Variants in EXOC6B observed in about 807,000 individuals in gnomAD.
The protein encoded by EXOC6B is SEC15 homolog B.
EXOC6B carries 54 observed loss-of-function variants against 113.5 expected under a neutral mutation model. That is an observed-to-expected ratio of 0.48 (90% CI 0.38 to 0.60). The LOEUF (loss-of-function observed/expected upper bound fraction) is 0.60, where lower values mean the gene tolerates loss of function less well. Ranked by LOEUF, EXOC6B falls within the 20% of genes least tolerant of loss-of-function variation. The probability of loss-of-function intolerance (pLI) is 0.00; values close to 1 mark genes in which losing one functional copy is unlikely to be tolerated. For missense variants in EXOC6B, 797 were observed against 977.5 expected, an observed-to-expected ratio of 0.82 and a Z score of 2.46; for synonymous variants, 357 against 339.0, an observed-to-expected ratio of 1.05 and a Z score of -0.58.
At chr2:72,602,558 T>C (rs1670496828) in intron 6 of EXOC6B, among the ~76,000 whole-genome samples, 1 of 152,236 alleles carries the variant, frequency 6.6e-6, no homozygotes, top group Non-Finnish European at 1.5e-5. Context: ...AGAATCCATC[T>C]GCTATAATAG....
intron 18 of EXOC6B, among the ~76,000 whole-genome samples, chr2:72,394,001 C>T (rs1692559822): frequency 6.6e-6 from 1 of 152,160 alleles, no homozygotes; most frequent in Non-Finnish European, 1.5e-5. Context: ...CTCTAGAACA[C>T]TGACTTTAAC....
chr2:72,368,813 A>G (rs1475440587), intron 19 of EXOC6B, among the ~76,000 whole-genome samples: 5 of 152,226 alleles, frequency 3.3e-5, no homozygotes, highest in Non-Finnish European at 7.3e-5. Context: ...AAAATTCAAC[A>G]GCCCTTCATG....
intron 5 of EXOC6B, among the ~76,000 whole-genome samples, chr2:72,724,341 T>G (rs1328356124): frequency 6.6e-6 from 1 of 152,108 alleles, no homozygotes; most frequent in Admixed American, 6.5e-5. Flanking sequence ...CAGAGTAGAT[T>G]ATAGACGGAT....
chr2:72,500,567 C>A (rs1302456026), intron 11 of EXOC6B, among the ~76,000 whole-genome samples: 3 of 150,440 alleles, frequency 2.0e-5, no homozygotes, highest in Non-Finnish European at 4.4e-5. Flanking sequence ...AAATCTTAGA[C>A]AAAATTGATT....
At chr2:72,656,520 G>A (rs1367128023) in intron 6 of EXOC6B, among the ~76,000 whole-genome samples, 1 of 152,018 alleles carries the variant, frequency 6.6e-6, no homozygotes, top group Admixed American at 6.6e-5. Context: ...AAATAAAACA[G>A]TCAAAAAATT....
intron 18 of EXOC6B, among the ~76,000 whole-genome samples, chr2:72,432,814 T>A (rs1695619205): frequency 6.6e-6 from 1 of 152,204 alleles, no homozygotes; most frequent in Admixed American, 6.5e-5. Flanking sequence ...TATTAGCCCT[T>A]TGTCAGACGG....
chr2:72,532,634 C>T (rs1026434876), intron 8 of EXOC6B, among the ~76,000 whole-genome samples: 4 of 151,966 alleles, frequency 2.6e-5, no homozygotes, highest in Admixed American at 2.6e-4. Context: ...ATGGGGAAAC[C>T]CCGTCTCTAC....
In EXOC6B at chr2:72,220,195, G is replaced by A. The variant is rs550680077; in HGVS notation, c.2197-36008C>T. ...CAGGTGAATTTATCTGCTGGCATTC[G>A]TATTTTCCAGGGCCTGAAGAAAGTG... On this transcript the variant is annotated intron_variant, in intron 20 of 21. Transcript: ENST00000272427. Among the ~76,000 whole-genome samples, 6 of 152,274 alleles carry A rather than the reference G, an allele frequency of 3.9e-5. No homozygotes were observed. The South Asian group carries it at 1.0e-3, about 26-fold the overall frequency.
intron 20 of EXOC6B, among the ~76,000 whole-genome samples, chr2:72,198,163 A>G (rs41393): frequency 0.3 from 46,215 of 152,026 alleles, 7,639 homozygotes; most frequent in African/African-American, 0.41. Context: ...ATGAAAAGAA[A>G]CATATTTCAG....
At chr2:72,539,816 C>CT (rs1702496648) in intron 8 of EXOC6B, among the ~76,000 whole-genome samples, 1 of 151,548 alleles carries the variant, frequency 6.6e-6, no homozygotes, top group Non-Finnish European at 1.5e-5. Context: ...TATTATTATA[C>CT]TTTAAGTTTT....
At chr2:72,356,853 C>T (rs1689996464) in intron 19 of EXOC6B, among the ~76,000 whole-genome samples, 1 of 152,034 alleles carries the variant, frequency 6.6e-6, no homozygotes, top group Non-Finnish European at 1.5e-5. Context: ...CATTGTGGGG[C>T]CATTATTGGT....
At chr2:72,334,120 G>A (rs1452257766) in intron 20 of EXOC6B, among the ~76,000 whole-genome samples, 1 of 151,798 alleles carries the variant, frequency 6.6e-6, no homozygotes, top group Non-Finnish European at 1.5e-5. Context: ...ATCAGTCATT[G>A]ATTCTTACTT....
chr2:72,361,665 G>T (rs1425532228), intron 19 of EXOC6B, among the ~76,000 whole-genome samples: 3 of 152,114 alleles, frequency 2.0e-5, no homozygotes, highest in Non-Finnish European at 2.9e-5. Context: ...TCTTTATAAA[G>T]ATTCTTTAGT....
intron 18 of EXOC6B, among the ~76,000 whole-genome samples, chr2:72,436,199 T>C (rs1695860821): frequency 6.6e-6 from 1 of 152,224 alleles, no homozygotes; most frequent in Non-Finnish European, 1.5e-5. Flanking sequence ...TGAAAATTCT[T>C]TTCTTTAAAA....
At chr2:72,198,551 T>C (rs1249538136) in intron 20 of EXOC6B, among the ~76,000 whole-genome samples, 1 of 152,170 alleles carries the variant, frequency 6.6e-6, no homozygotes, top group Non-Finnish European at 1.5e-5. Flanking sequence ...AGTAAATAAA[T>C]AGCAAAGTAG....
At chr2:72,408,781 A>G (rs1241388006) in intron 18 of EXOC6B, among the ~76,000 whole-genome samples, 1 of 152,214 alleles carries the variant, frequency 6.6e-6, no homozygotes, top group African/African-American at 2.4e-5. Flanking sequence ...AAACCTAGGC[A>G]ATACCATTCA....
At position 72,176,166 on chromosome 2, in the gene EXOC6B, C is replaced by T. The variant is rs1056409608; in HGVS notation, c.*3169G>A. 12 of 151,074 alleles carry T rather than the reference C, an allele frequency of 7.9e-5. No homozygotes were observed. The highest frequency in any genetic ancestry group is 1.8e-4 in the Non-Finnish European group (12 of 67,902). The allele number at this position is 151,074 out of a possible 1,614,324, so 9.4% of individuals were successfully genotyped here. A position where few individuals can be genotyped will look rare whatever the true frequency, so the allele number is the denominator to read the frequency against. ...AGTTCCCTTTAGAGTTAAAAATGGA[C>T]TTTCCTAATTTTCTCTATATATGTG... On this transcript the variant is annotated 3_prime_UTR_variant, in exon 22 of 22. Transcript: ENST00000272427.
At chr2:72,757,213 A>G (rs563982800) in intron 1 of EXOC6B, among the ~76,000 whole-genome samples, 1 of 152,334 alleles carries the variant, frequency 6.6e-6, no homozygotes, top group South Asian at 2.1e-4. Flanking sequence ...TACAAGTCTA[A>G]TTTTCAATAA....
At chr2:72,528,426 T>C (rs1245980471) in intron 8 of EXOC6B, among the ~76,000 whole-genome samples, 2 of 152,124 alleles carry the variant, frequency 1.3e-5, no homozygotes, top group African/African-American at 2.4e-5. Flanking sequence ...TACCATGCCA[T>C]CTTGATTGCT....
Sources: allele counts gnomAD v4.1 joint callset (sites outside exome capture counted in the v4.1 genomes callset), GRCh38; gene constraint gnomAD v4.1.1; transcripts MANE v1.5; gene names NCBI Gene and HGNC (gene_info 2026-07-23, HGNC 2026-07-21).